Variants in KLF12 observed in about 807,000 individuals in gnomAD.
KLF12 encodes KLF transcription factor 12.
Under a neutral mutation model 37.8 loss-of-function variants are expected in KLF12, and 9 were observed. The observed-to-expected ratio is 0.24, with a 90% CI of 0.14 to 0.42. The LOEUF is 0.42. KLF12 is among the 10% of genes least tolerant of loss of function. The probability of loss-of-function intolerance (pLI) is 1.00; values close to 1 mark genes in which losing one functional copy is unlikely to be tolerated. For synonymous variants in KLF12, 208 were observed against 202.1 expected (o/e 1.03, Z -0.25); for missense variants, 411 against 516.0 (o/e 0.80, Z 1.97).
intron 1 of KLF12, among the ~76,000 whole-genome samples, chr13:74,098,192 C>T (rs1413183302): frequency 1.3e-5 from 2 of 152,204 alleles, no homozygotes; most frequent in African/African-American, 4.8e-5. Context: ...TTATCATACA[C>T]AGCTGATGCT....
At chr13:73,873,951 A>G (rs541866820) in intron 3 of KLF12, among the ~76,000 whole-genome samples, 1 of 152,352 alleles carries the variant, frequency 6.6e-6, no homozygotes, top group South Asian at 2.1e-4. Flanking sequence ...ATTGAAGCAA[A>G]TAACTCATTA....
intron 1 of KLF12, among the ~76,000 whole-genome samples, chr13:74,124,449 TA>T (rs2138995987): frequency 6.6e-6 from 1 of 152,352 alleles, no homozygotes; most frequent in East Asian, 1.9e-4. Context: ...TAATACAAAC[TA>T]AATATTCCCA....
intron 4 of KLF12, among the ~76,000 whole-genome samples, chr13:73,834,057 G>A (rs1484089341): frequency 6.6e-6 from 1 of 152,178 alleles, no homozygotes; most frequent in Non-Finnish European, 1.5e-5. Flanking sequence ...CAAACACGAT[G>A]TTGGGGAAAT....
chr13:74,144,418 C>T, the KLF12 span, among the ~76,000 whole-genome samples: 1 of 152,280 alleles, frequency 6.6e-6, no homozygotes, highest in South Asian at 2.1e-4. Flanking sequence ...AAAGCATGGC[C>T]ATTAACTACC....
At chr13:74,014,573 A>G (rs891763556) in intron 1 of KLF12, among the ~76,000 whole-genome samples, 1 of 152,240 alleles carries the variant, frequency 6.6e-6, no homozygotes, top group Non-Finnish European at 1.5e-5. Context: ...AATGCATATT[A>G]AAATTTATAT....
intron 3 of KLF12, among the ~76,000 whole-genome samples, chr13:73,921,496 T>C (rs1186907529): frequency 6.6e-6 from 1 of 152,218 alleles, no homozygotes; most frequent in African/African-American, 2.4e-5. Context: ...CTGTGTATAC[T>C]GGAAAGTATA....
At chr13:74,198,007 AC>A in the KLF12 span, among the ~76,000 whole-genome samples, 1 of 152,276 alleles carries the variant, frequency 6.6e-6, no homozygotes, top group East Asian at 1.9e-4. Flanking sequence ...CTGAAAAGAA[AC>A]AAAAGGAGAG....
intron 1 of KLF12, among the ~76,000 whole-genome samples, chr13:74,078,997 G>A (rs111447227): frequency 1.9e-3 from 292 of 152,300 alleles, no homozygotes; most frequent in African/African-American, 4.7e-3. Context: ...GGTCAGGAGA[G>A]AGTGGGAGAG....
intron 6 of KLF12, among the ~76,000 whole-genome samples, chr13:73,725,517 C>G (rs760496454): frequency 4.0e-5 from 6 of 151,638 alleles, no homozygotes; most frequent in Non-Finnish European, 8.8e-5. Context: ...ATGGAGAAAA[C>G]TATGTGATAG....
At chr13:73,920,043 T>C (rs1889041734) in intron 3 of KLF12, among the ~76,000 whole-genome samples, 1 of 152,212 alleles carries the variant, frequency 6.6e-6, no homozygotes, top group Non-Finnish European at 1.5e-5. Context: ...GGTGCTCTAC[T>C]GTTAGCATCT....
intron 3 of KLF12, among the ~76,000 whole-genome samples, chr13:73,849,385 A>C (rs1390766209): frequency 2.0e-5 from 3 of 150,832 alleles, no homozygotes; most frequent in African/African-American, 2.4e-5. Flanking sequence ...TAAAAAAAAA[A>C]AAAAAAAAAA....
the KLF12 span, among the ~76,000 whole-genome samples, chr13:74,238,747 T>C: frequency 6.6e-6 from 1 of 151,608 alleles, no homozygotes; most frequent in Non-Finnish European, 1.5e-5. Flanking sequence ...TGTAGTATTC[T>C]CTGATGGTAG....
At chr13:73,713,966 C>T (rs1326887032) in intron 7 of KLF12, among the ~76,000 whole-genome samples, 2 of 152,156 alleles carry the variant, frequency 1.3e-5, no homozygotes, top group African/African-American at 2.4e-5. Flanking sequence ...AATCATACTT[C>T]CTGCCATGAT....
intron 6 of KLF12, among the ~76,000 whole-genome samples, chr13:73,763,769 T>A (rs112408923): frequency 0.01 from 1,531 of 152,236 alleles, 29 homozygotes; most frequent in African/African-American, 0.035. Context: ...GATCATCATA[T>A]TATTACTCCC....
chr13:74,217,162 A>G, the KLF12 span, among the ~76,000 whole-genome samples: 2 of 151,942 alleles, frequency 1.3e-5, no homozygotes, highest in Non-Finnish European at 2.9e-5. Flanking sequence ...ATGTTAGATG[A>G]TTCTTTTTTT....
the KLF12 span, among the ~76,000 whole-genome samples, chr13:74,173,574 T>C: frequency 6.6e-6 from 1 of 152,250 alleles, no homozygotes; most frequent in Non-Finnish European, 1.5e-5. Context: ...ACTTAAAATA[T>C]GTGTGTTGAA....
At chr13:73,944,720 C>T (rs1890341296) in intron 2 of KLF12, among the ~76,000 whole-genome samples, 3 of 152,090 alleles carry the variant, frequency 2.0e-5, no homozygotes, top group South Asian at 4.2e-4. Flanking sequence ...CAATTTACCA[C>T]CTCTTGAAAA....
At chr13:73,727,758 C>A (rs1208702185) in intron 6 of KLF12, among the ~76,000 whole-genome samples, 2 of 151,096 alleles carry the variant, frequency 1.3e-5, no homozygotes, top group Non-Finnish European at 2.9e-5. Flanking sequence ...AGTGCAGTGG[C>A]GTGATCTTGG....
intron 5 of KLF12, among the ~76,000 whole-genome samples, chr13:73,793,984 C>G (rs926927192): frequency 4.6e-5 from 7 of 152,186 alleles, no homozygotes; most frequent in African/African-American, 1.7e-4. Context: ...CATTCCATCA[C>G]AGATTGAATA....
Sources: gnomAD v4.1 joint callset for allele counts (sites outside exome capture counted in the v4.1 genomes callset) on GRCh38, gnomAD v4.1.1 for gene constraint, MANE v1.5 for transcripts, NCBI Gene and HGNC (gene_info 2026-07-23, HGNC 2026-07-21) for gene names.